Variants in GSN observed in about 807,000 individuals in gnomAD.
GSN encodes the protein actin-depolymerizing factor.
Under a neutral mutation model 85.7 loss-of-function variants are expected in GSN, and 56 were observed. The observed-to-expected ratio is 0.65, with a 90% CI of 0.53 to 0.82. The LOEUF is 0.82. Ranked by LOEUF, GSN falls within the 40% of genes least tolerant of loss-of-function variation. GSN has a pLI of 0.00. For missense variants in GSN, 857 were observed against 979.8 expected, an observed-to-expected ratio of 0.87 and a Z score of 1.67; for synonymous variants, 373 against 399.1, an observed-to-expected ratio of 0.93 and a Z score of 0.78.
intron 2 of GSN, chr9:121,300,269 G>A: frequency 1.6e-6 from 1 of 642,420 alleles, no homozygotes; most frequent in South Asian, 1.8e-5. Flanking sequence ...CTTACCTCCT[G>A]TCTCCTGAAT....
chr9:121,230,869 C>T lies in GSN; in HGVS notation c.-527-296C>T, dbSNP rs1048310630. Among the ~76,000 whole-genome samples, 41 of 152,302 alleles carry T rather than the reference C, an allele frequency of 2.7e-4. 1 individual carries two copies. Among genetic ancestry groups the T allele is most frequent in the African/African-American group, 9.4e-4 (39 of 41,560 alleles). ...ATAGATTTAGATTCTTAAAGACCCT[C>T]GCCCACCCTCTGTGACCTAGGATAA... On this transcript the variant is annotated intron_variant, in intron 4 of 24. Coordinates refer to the GSN transcript ENST00000373823.
chr9:121,300,149 G>A (rs773894140), intron 2 of GSN: 6 of 1,570,066 alleles, frequency 3.8e-6, no homozygotes, highest in Non-Finnish European at 5.3e-6. Context: ...TGCTGCTTCC[G>A]GGGCTCTGGC....
intron 7 of GSN, among the ~76,000 whole-genome samples, chr9:121,315,864 G>A (rs1264611009): frequency 6.6e-6 from 1 of 152,240 alleles, no homozygotes; most frequent in African/African-American, 2.4e-5. Context: ...TTCTAGCTGT[G>A]CAAGTTCCTT....
In GSN at chr9:121,301,551, A is replaced by G. The variant is rs926467962; in HGVS notation, c.-9-412A>G. ...TGAGGCAGGAGAATCGCTTGAACCC[A>G]GGAGGCAGAGGTTACAGTGAGTCGA... is the stretch of plus-strand genomic sequence containing the variant. On this transcript the variant is annotated intron_variant, in intron 2 of 17. Transcript: ENST00000432226. Among the ~76,000 whole-genome samples, 5 of 150,422 alleles carry G rather than the reference A, an allele frequency of 3.3e-5. No homozygotes were observed. In the Admixed American group the frequency reaches 3.3e-4, roughly 10 times the overall value.
chr9:121,261,094 C>G lies in GSN; in HGVS notation c.-340-4060C>G, dbSNP rs1052602366. ...TTCGGTGTTGTGATAATATAACTCT[C>G]TGTAAATGGTGCAGTCCACTGTACA... On this transcript the variant is annotated intron_variant, in intron 6 of 24. Coordinates refer to the GSN transcript ENST00000373823. This position sits in a 1 kb window ranked among gnomAD's most constrained non-coding sequence, Gnocchi z 4.1. 1.6e-4 allele frequency among the ~76,000 whole-genome samples: 24 copies of G among 152,340 alleles called. No homozygotes were observed. The highest frequency in any genetic ancestry group is 5.5e-4 in the African/African-American group (23 of 41,576).
chr9:121,218,980 T>A (rs2054118332), intron 4 of GSN, among the ~76,000 whole-genome samples: 1 of 152,232 alleles, frequency 6.6e-6, no homozygotes, highest in Non-Finnish European at 1.5e-5. Context: ...TGAAATGATC[T>A]GGTATTTGGA....
Position 121,318,694 on chromosome 9 carries a change from C to T in GSN, c.1005C>T (p.Thr335=). 1 of 1,613,772 alleles carries T rather than the reference C, an allele frequency of 6.2e-7. No individual in the cohort carries two copies. ...QVSVLPEGGE[T]PLFKQFFKNW... ...CGGTCCTTCCTGAGGGCGGTGAGAC[C>T]CCACTGTTCAAGCAGTTCTTCAAGA... The change falls in exon 10 of 18, where the codon ACC becomes ACT. Residue 335 remains threonine (T), a synonymous_variant. Coordinates refer to ENST00000432226, the MANE Select transcript of GSN (RefSeq NM_198252.3). The surrounding 1 kb of genome is among the most constrained non-coding windows in gnomAD (Gnocchi z 4.3).
the GSN span, among the ~76,000 whole-genome samples, chr9:121,202,177 T>A: frequency 5.9e-5 from 9 of 152,224 alleles, no homozygotes; most frequent in Admixed American, 3.3e-4. Context: ...CGCCTGCGTC[T>A]TGGAGAACTA....
intron 4 of GSN, among the ~76,000 whole-genome samples, chr9:121,308,046 T>G (rs998510135): frequency 6.6e-6 from 1 of 152,166 alleles, no homozygotes; most frequent in African/African-American, 2.4e-5. Flanking sequence ...ATGGAAAAAT[T>G]TACTGTCTTG....
chr9:121,317,305 A>T, intron 8 of GSN, 87 bp downstream of exon 8: 1 of 1,374,906 alleles, frequency 7.3e-7, no homozygotes. Flanking sequence ...GCTCCCGGGG[A>T]GTGTGGAGTG....
intron 5 of GSN, among the ~76,000 whole-genome samples, chr9:121,246,541 A>T (rs745694193): frequency 1.6e-4 from 25 of 152,310 alleles, no homozygotes; most frequent in Admixed American, 7.8e-4. Context: ...ACCTTAGCAT[A>T]GTTTAGGCAA....
At chr9:121,250,918 G>A (rs2054816026) in intron 6 of GSN, among the ~76,000 whole-genome samples, 1 of 146,882 alleles carries the variant, frequency 6.8e-6, no homozygotes, top group African/African-American at 2.5e-5. Flanking sequence ...TGTGCTTTGA[G>A]ACAGGTCTGG....
At chr9:121,317,338 A>C in intron 8 of GSN, 120 bp downstream of exon 8, 1 of 1,145,430 alleles carries the variant, frequency 8.7e-7, no homozygotes, top group Non-Finnish European at 1.3e-6. Flanking sequence ...TGGAAATCAG[A>C]AGTCTTGGGC....
intron 4 of GSN, among the ~76,000 whole-genome samples, chr9:121,215,595 G>A (rs2054048744): frequency 6.6e-6 from 1 of 151,908 alleles, no homozygotes; most frequent in Admixed American, 6.6e-5. Flanking sequence ...TTGAGAGGCT[G>A]AGGCAGAAGA....
At chr9:121,279,393 T>A (rs4836843) in intron 1 of GSN, among the ~76,000 whole-genome samples, 72,275 of 151,682 alleles carry the variant, frequency 0.48, 18,296 homozygotes, top group East Asian at 0.76. Context: ...GAGGGAGAGG[T>A]TGCAGGAGGA....
intron 6 of GSN, among the ~76,000 whole-genome samples, chr9:121,256,038 G>C (rs1004091509): frequency 7.9e-5 from 12 of 152,080 alleles, no homozygotes; most frequent in Non-Finnish European, 1.3e-4. Flanking sequence ...TGAGAGAGAT[G>C]GTGAGTTCTC....
Position 121,261,773 on chromosome 9 carries a change from G to A in GSN, c.-340-3381G>A, listed in dbSNP as rs1198616456. Among the ~76,000 whole-genome samples the A allele has an allele frequency of 6.6e-6, 1 of 152,154 alleles. No homozygotes were observed. The highest frequency in any genetic ancestry group is 1.5e-5 in the Non-Finnish European group (1 of 68,036). On this transcript the variant is annotated intron_variant, in intron 6 of 24. Transcript: ENST00000373823. The surrounding 1 kb of genome is among the most constrained non-coding windows in gnomAD (Gnocchi z 4.1). ...CCCGTACCTAGGGGGTTCCCATGATGACACCAGCCACTGTTGACAGAGCCC... is the reference window on the plus strand; with the variant it reads ...CCCGTACCTAGGGGGTTCCCATGATAACACCAGCCACTGTTGACAGAGCCC...
At chr9:121,222,340 T>G (rs2054185770) in intron 4 of GSN, 2 of 152,094 alleles carry the variant, frequency 1.3e-5, no homozygotes, top group African/African-American at 4.8e-5. Flanking sequence ...AAATCATGAC[T>G]CTTAAAGAAA....
intron 2 of GSN, among the ~76,000 whole-genome samples, chr9:121,293,230 A>G (rs2058862315): frequency 6.6e-6 from 1 of 152,212 alleles, no homozygotes; most frequent in African/African-American, 2.4e-5. Flanking sequence ...GACCCTGGCC[A>G]GATGCACAAA....
Sources: gnomAD v4.1 joint callset for allele counts (sites outside exome capture counted in the v4.1 genomes callset) on GRCh38, gnomAD v4.1.1 for gene constraint, Gnocchi (gnomAD v3.1) non-coding constraint, MANE v1.5 for transcripts, NCBI Gene and HGNC (gene_info 2026-07-23, HGNC 2026-07-21) for gene names.